The following FNDC3B variants were observed in gnomAD, a reference collection of about 807,000 sequenced individuals.
The protein encoded by FNDC3B is fibronectin type III domain-containing protein 3B.
In FNDC3B, 12 loss-of-function variants were observed where a neutral mutation model predicts 151.5. That is an observed-to-expected ratio of 0.08 (90% CI 0.05 to 0.13). FNDC3B has a LOEUF of 0.13. Ranked by LOEUF, FNDC3B falls within the 10% of genes least tolerant of loss-of-function variation. FNDC3B has a pLI of 1.00. For synonymous variants in FNDC3B, 528 were observed against 549.0 expected (o/e 0.96, Z 0.54); for missense variants, 1,214 against 1,505.3 (o/e 0.81, Z 3.20).
intron 6 of FNDC3B, among the ~76,000 whole-genome samples, chr3:172,283,749 G>A (rs1055269253): frequency 6.6e-6 from 1 of 151,922 alleles, no homozygotes; most frequent in African/African-American, 2.4e-5. Context: ...TTTTCTAACC[G>A]GCAGTTATCT....
intron 6 of FNDC3B, among the ~76,000 whole-genome samples, chr3:172,285,280 C>T (rs1487391935): frequency 2.0e-5 from 3 of 152,190 alleles, no homozygotes; most frequent in East Asian, 3.9e-4. Flanking sequence ...CCCAGGCCAG[C>T]TCTAGCCTTT....
intron 3 of FNDC3B, among the ~76,000 whole-genome samples, chr3:172,222,445 G>A (rs1227304872): frequency 6.6e-6 from 1 of 152,186 alleles, no homozygotes; most frequent in Non-Finnish European, 1.5e-5. Context: ...CCCAGAATGG[G>A]TGAATGTTGT....
Position 172,398,238 on chromosome 3 carries a change from AT to A in FNDC3B, c.*767del, listed in dbSNP as rs2108403394. 6.5e-6 allele frequency: 1 copy of A among 152,738 alleles called. No homozygotes were observed. The highest frequency in any genetic ancestry group is 2.1e-4 in the South Asian group (1 of 4,830). 9.5% of individuals were successfully genotyped at this position (152,738 alleles called of 1,614,324 possible). On this transcript the variant is annotated 3_prime_UTR_variant, in exon 26 of 26. Transcript: ENST00000415807. ...TAGTTAGTTGTTTTCTTGTTCAGCT[AT>A]TTTAAAGGCTGCTTTAACTTGTTTG...
intron 2 of FNDC3B, chr3:172,126,959 G>A (rs1720835451): frequency 4.4e-6 from 2 of 455,310 alleles, no homozygotes; most frequent in Non-Finnish European, 4.4e-6. Flanking sequence ...TTGTTGCCGG[G>A]ACACACAGAA....
intron 24 of FNDC3B, 122 bp from the exon 25 acceptor site, chr3:172,380,842 CCT>C (rs1308194183): frequency 2.7e-6 from 3 of 1,091,522 alleles, no homozygotes; most frequent in Admixed American, 2.0e-5. Flanking sequence ...CAAATCAGCT[CCT>C]CTCTCAGGGC....
At chr3:172,043,042 G>A (rs1310668957) in intron 1 of FNDC3B, among the ~76,000 whole-genome samples, 1 of 151,978 alleles carries the variant, frequency 6.6e-6, no homozygotes, top group Non-Finnish European at 1.5e-5. Flanking sequence ...AGCCTCCCGA[G>A]TAGCTGGGAT....
At chr3:172,135,366 T>G (rs1408962501) in intron 3 of FNDC3B, among the ~76,000 whole-genome samples, 1 of 152,140 alleles carries the variant, frequency 6.6e-6, no homozygotes, top group Admixed American at 6.6e-5. Flanking sequence ...TTATAACTGG[T>G]GCACTTTGCA....
At chr3:172,277,555 G>A (rs879620014) in intron 6 of FNDC3B, among the ~76,000 whole-genome samples, 3 of 152,080 alleles carry the variant, frequency 2.0e-5, no homozygotes, top group Non-Finnish European at 4.4e-5. Flanking sequence ...TAAGATACAC[G>A]AATTTTGGGA....
At chr3:172,338,531 G>A (rs991290824) in intron 16 of FNDC3B, among the ~76,000 whole-genome samples, 22 of 152,132 alleles carry the variant, frequency 1.4e-4, no homozygotes, top group African/African-American at 4.6e-4. Flanking sequence ...TCAGGTTTTT[G>A]TTACTATTCA....
intron 3 of FNDC3B, among the ~76,000 whole-genome samples, chr3:172,141,435 C>T (rs1381269938): frequency 6.6e-6 from 1 of 152,216 alleles, no homozygotes; most frequent in Non-Finnish European, 1.5e-5. Flanking sequence ...AACAGCCGTT[C>T]ACTCTTGCAC....
rs569138253 is a variant in FNDC3B at position 172,243,790 on chromosome 3, G to C, written c.265-3743G>C. On this transcript the variant is annotated intron_variant, in intron 4 of 25. Transcript: ENST00000415807. ...TATATGACCTCATTTCACCTTAATT[G>C]TCTACTTAAAATGCCCTGTTTCTAA... is the stretch of plus-strand genomic sequence containing the variant. Among the ~76,000 whole-genome samples, 16 of 152,196 alleles carry C rather than the reference G, an allele frequency of 1.1e-4. No homozygotes were observed. The South Asian group carries it at 2.9e-3, about 28-fold the overall frequency.
rs114221714 is a variant in FNDC3B at position 172,360,261 on chromosome 3, G to T, written c.2796-2372G>T. Among the ~76,000 whole-genome samples the T allele has an allele frequency of 7.4e-3, 1,126 of 152,036 alleles. 6 individuals are homozygous for T. The highest frequency in any genetic ancestry group is 0.01 in the Non-Finnish European group (689 of 67,984). The stretch of plus-strand genomic sequence containing the variant: ...TATTTGCCATCTGTATTCCCTCTTT[G>T]GTGGAGTGTCTATTCTAGTCTTCCG... On this transcript the variant is annotated intron_variant, in intron 22 of 25. Coordinates refer to ENST00000415807, the MANE Select transcript of FNDC3B (RefSeq NM_022763.4).
At chr3:172,394,232 G>C (rs887252912) in intron 25 of FNDC3B, among the ~76,000 whole-genome samples, 1 of 150,574 alleles carries the variant, frequency 6.6e-6, no homozygotes, top group African/African-American at 2.4e-5. Flanking sequence ...TATACCTCAC[G>C]GAACTGGGGG....
chr3:172,220,318 T>A (rs1726215689), intron 3 of FNDC3B, among the ~76,000 whole-genome samples: 1 of 152,176 alleles, frequency 6.6e-6, no homozygotes, highest in South Asian at 2.1e-4. Flanking sequence ...TATTTACATA[T>A]TATCTTTGGA....
chr3:172,085,185 A>G (rs1559959007), intron 1 of FNDC3B, among the ~76,000 whole-genome samples: 1 of 152,206 alleles, frequency 6.6e-6, no homozygotes, highest in East Asian at 1.9e-4. Flanking sequence ...TTGAATTTGT[A>G]AAGCTGGGCT....
intron 1 of FNDC3B, among the ~76,000 whole-genome samples, chr3:172,054,035 C>T (rs1174003077): frequency 6.6e-6 from 1 of 152,148 alleles, no homozygotes; most frequent in African/African-American, 2.4e-5. Context: ...AAAGGGAGTC[C>T]TTTTACTCAC....
At chr3:172,149,134 T>C (rs566767626) in intron 3 of FNDC3B, among the ~76,000 whole-genome samples, 1 of 152,322 alleles carries the variant, frequency 6.6e-6, no homozygotes, top group African/African-American at 2.4e-5. Context: ...CAAGCCTGTT[T>C]CCCTTCACTG....
In FNDC3B at chr3:172,070,127, T is replaced by C. The variant is rs150576330; in HGVS notation, c.-29+30356T>C. Among the ~76,000 whole-genome samples the C allele has an allele frequency of 9.1e-4, 139 of 152,352 alleles. 2 individuals are homozygous for C. Among genetic ancestry groups the C allele is most frequent in the African/African-American group, 3.1e-3 (128 of 41,584 alleles). ...TGTCTCAAGGTTGGCTAACCTCTAA[T>C]TGAAAATCTGTAGGTGCTTATCTTC... On this transcript the variant is annotated intron_variant, in intron 1 of 25. Transcript: ENST00000415807.
chr3:172,092,986 T>C (rs1335371474), intron 1 of FNDC3B, among the ~76,000 whole-genome samples: 1 of 152,082 alleles, frequency 6.6e-6, no homozygotes, highest in Non-Finnish European at 1.5e-5. Context: ...ACCTGGCTAC[T>C]TTTTTATTTT....
Sources: allele counts gnomAD v4.1 joint callset (sites outside exome capture counted in the v4.1 genomes callset), GRCh38; gene constraint gnomAD v4.1.1; transcripts MANE v1.5; gene names NCBI Gene and HGNC (gene_info 2026-07-23, HGNC 2026-07-21).